Variants in CREB5 observed in about 807,000 individuals in gnomAD.
The protein encoded by CREB5 is cyclic AMP-responsive element-binding protein 5.
A neutral mutation model predicts 57.1 loss-of-function variants in CREB5; 19 were observed. The ratio of observed to expected loss-of-function variants is 0.33; its 90% CI spans 0.23 to 0.49. CREB5 has a LOEUF of 0.49. CREB5 is among the 20% of genes least tolerant of loss of function. The pLI, the probability that CREB5 is intolerant of heterozygous loss-of-function variation, is 0.99. For missense variants in CREB5, 579 were observed against 671.6 expected, an observed-to-expected ratio of 0.86 and a Z score of 1.52; for synonymous variants, 238 against 238.3, an observed-to-expected ratio of 1.00 and a Z score of 0.01.
intron 5 of CREB5, among the ~76,000 whole-genome samples, chr7:28,593,886 A>C (rs1796608763): frequency 6.6e-6 from 1 of 152,164 alleles, no homozygotes; most frequent in African/African-American, 2.4e-5. Flanking sequence ...GGGAAAGAGT[A>C]AAACTATAGG....
intron 5 of CREB5, among the ~76,000 whole-genome samples, chr7:28,636,869 A>T (rs1798442181): frequency 6.6e-6 from 1 of 152,108 alleles, no homozygotes; most frequent in Admixed American, 6.6e-5. Context: ...CTCAAATGAA[A>T]ATTTCACTGA....
chr7:28,648,585 T>C (rs1798997064), intron 5 of CREB5, among the ~76,000 whole-genome samples: 1 of 151,696 alleles, frequency 6.6e-6, no homozygotes, highest in African/African-American at 2.4e-5. Context: ...CAAATAAAAA[T>C]AAAAAAATTA....
intron 7 of CREB5, among the ~76,000 whole-genome samples, chr7:28,765,357 T>G (rs1805905462): frequency 6.6e-6 from 1 of 152,228 alleles, no homozygotes; most frequent in South Asian, 2.1e-4. Context: ...ATCCAGCACT[T>G]TAAAATGTGA....
intron 1 of CREB5, among the ~76,000 whole-genome samples, chr7:28,448,677 G>T (rs917233928): frequency 1.3e-5 from 2 of 152,216 alleles, no homozygotes; most frequent in African/African-American, 2.4e-5. Flanking sequence ...AACATGTAAG[G>T]CCTGAATATT....
At chr7:28,707,139 C>T (rs1453444020) in intron 5 of CREB5, among the ~76,000 whole-genome samples, 1 of 152,104 alleles carries the variant, frequency 6.6e-6, no homozygotes, top group East Asian at 1.9e-4. Context: ...CACCCATACC[C>T]CTCGGAGAGG....
At chr7:28,790,931 G>C (rs898101228) in intron 7 of CREB5, among the ~76,000 whole-genome samples, 3 of 152,186 alleles carry the variant, frequency 2.0e-5, no homozygotes, top group Non-Finnish European at 4.4e-5. Flanking sequence ...TAACCATTTT[G>C]TTAGCCTCTG....
At chr7:28,739,628 A>G (rs946931515) in intron 7 of CREB5, among the ~76,000 whole-genome samples, 5 of 152,224 alleles carry the variant, frequency 3.3e-5, no homozygotes, top group Non-Finnish European at 7.3e-5. Flanking sequence ...AAATATTACC[A>G]GAAAAGCATA....
At chr7:28,354,340 A>G (rs1450091886) in intron 1 of CREB5, among the ~76,000 whole-genome samples, 4 of 152,194 alleles carry the variant, frequency 2.6e-5, no homozygotes, top group Non-Finnish European at 5.9e-5. Context: ...CAGCCAGGAT[A>G]TAAAACAGCC....
At chr7:28,487,124 C>T (rs1791593085) in intron 1 of CREB5, among the ~76,000 whole-genome samples, 1 of 152,264 alleles carries the variant, frequency 6.6e-6, no homozygotes, top group South Asian at 2.1e-4. Context: ...TCAAACGCCT[C>T]TCCTGTTCCA....
chr7:28,426,851 C>A (rs1016763770), intron 1 of CREB5, among the ~76,000 whole-genome samples: 5 of 152,166 alleles, frequency 3.3e-5, no homozygotes, highest in Non-Finnish European at 5.9e-5. Context: ...CTTCTTTCAT[C>A]GAATTAGCAT....
intron 5 of CREB5, among the ~76,000 whole-genome samples, chr7:28,717,086 C>CT (rs5883165): frequency 0.25 from 27,600 of 109,568 alleles, 4,422 homozygotes; most frequent in Admixed American, 0.28. Flanking sequence ...GCTTTATATT[C>CT]TTTTTTTTTT....
intron 1 of CREB5, among the ~76,000 whole-genome samples, chr7:28,389,625 T>C (rs1787175772): frequency 1.5e-5 from 2 of 132,718 alleles, no homozygotes; most frequent in Admixed American, 8.0e-5. Context: ...TTGCCAACTA[T>C]ACTAAACTTT....
chr7:28,542,532 C>T (rs1239534507), intron 4 of CREB5, among the ~76,000 whole-genome samples: 1 of 152,120 alleles, frequency 6.6e-6, no homozygotes, highest in East Asian at 1.9e-4. Flanking sequence ...ACACTTAGCA[C>T]CTCAGACCAA....
chr7:28,770,076 C>T, intron 7 of CREB5, among the ~76,000 whole-genome samples: 1 of 152,354 alleles, frequency 6.6e-6, no homozygotes, highest in South Asian at 2.1e-4. Context: ...CCTACAACAA[C>T]TTCTTCCAAC....
At chr7:28,614,686 A>C (rs369090413) in intron 5 of CREB5, among the ~76,000 whole-genome samples, 3 of 152,286 alleles carry the variant, frequency 2.0e-5, no homozygotes, top group South Asian at 4.1e-4. Context: ...TTTTGTTATA[A>C]TTGTGGACAA....
intron 1 of CREB5, among the ~76,000 whole-genome samples, chr7:28,315,737 G>A (rs1366409372): frequency 6.6e-6 from 1 of 152,114 alleles, no homozygotes; most frequent in Non-Finnish European, 1.5e-5. Flanking sequence ...CGGTGGCAAA[G>A]TCACACTCAT....
At chr7:28,382,858 T>C in intron 1 of CREB5, among the ~76,000 whole-genome samples, 1 of 151,918 alleles carries the variant, frequency 6.6e-6, no homozygotes. Flanking sequence ...TTTAGCTTTG[T>C]CCCTTTCTCC....
chr7:28,560,058 A>G (rs1051972203), intron 4 of CREB5, among the ~76,000 whole-genome samples: 2 of 152,228 alleles, frequency 1.3e-5, no homozygotes, highest in African/African-American at 4.8e-5. Flanking sequence ...CTGTAAGATA[A>G]TATGTATGTT....
At chr7:28,638,680 TG>T (rs1167428001) in intron 5 of CREB5, among the ~76,000 whole-genome samples, 1 of 152,144 alleles carries the variant, frequency 6.6e-6, no homozygotes, top group Admixed American at 6.6e-5. Flanking sequence ...CAAGAGAGAA[TG>T]CACCAATACA....
Sources: allele counts gnomAD v4.1 joint callset (sites outside exome capture counted in the v4.1 genomes callset), GRCh38; gene constraint gnomAD v4.1.1; transcripts MANE v1.5; gene names NCBI Gene and HGNC (gene_info 2026-07-23, HGNC 2026-07-21).